The following B3GALT1 variants were observed in gnomAD, a reference collection of about 807,000 sequenced individuals.
B3GALT1 encodes the protein UDP-Gal:betaGlcNAc beta 1,3-galactosyltransferase, polypeptide 1.
In B3GALT1, 10 loss-of-function variants were observed where a neutral mutation model predicts 23.2. The observed-to-expected ratio is 0.43, with a 90% CI of 0.27 to 0.73. B3GALT1 has a LOEUF of 0.73. Among genes scored for constraint, B3GALT1 ranks in the 30% least tolerant of loss-of-function variants. B3GALT1 has a pLI of 0.21. For synonymous variants in B3GALT1, 156 were observed against 141.5 expected, an observed-to-expected ratio of 1.10 and a Z score of -0.73; for missense variants, 299 against 405.4, an observed-to-expected ratio of 0.74 and a Z score of 2.25.
At chr2:167,713,211 A>G (rs1245483895) in intron 3 of B3GALT1, among the ~76,000 whole-genome samples, 1 of 152,226 alleles carries the variant, frequency 6.6e-6, no homozygotes, top group Non-Finnish European at 1.5e-5. Flanking sequence ...TTAGCTTACT[A>G]CAAGTTCACT....
intron 2 of B3GALT1, among the ~76,000 whole-genome samples, chr2:167,610,071 A>G (rs1685032772): frequency 6.6e-6 from 1 of 152,168 alleles, no homozygotes; most frequent in Non-Finnish European, 1.5e-5. Flanking sequence ...TGAGAGGAAA[A>G]TGAGGATATA....
At chr2:167,476,527 C>T (rs1699488711) in intron 1 of B3GALT1, among the ~76,000 whole-genome samples, 2 of 152,142 alleles carry the variant, frequency 1.3e-5, no homozygotes, top group Non-Finnish European at 1.5e-5. Flanking sequence ...ATTACACCTT[C>T]ACAGCTTCTT....
intron 1 of B3GALT1, among the ~76,000 whole-genome samples, chr2:167,434,511 G>A (rs534972535): frequency 1.8e-5 from 2 of 109,106 alleles, no homozygotes; most frequent in Non-Finnish European, 3.7e-5. Flanking sequence ...TCTCTAAAAT[G>A]TAAGTACTCT....
intron 1 of B3GALT1, among the ~76,000 whole-genome samples, chr2:167,299,038 G>C (rs1240860714): frequency 1.3e-5 from 2 of 152,146 alleles, no homozygotes; most frequent in African/African-American, 2.4e-5. Flanking sequence ...GGTTTGAAGA[G>C]ACATATCATT....
At chr2:167,665,387 G>C (rs1686156827) in intron 3 of B3GALT1, among the ~76,000 whole-genome samples, 1 of 142,872 alleles carries the variant, frequency 7.0e-6, no homozygotes, top group Non-Finnish European at 1.5e-5. Context: ...GAGGATTTTT[G>C]CATCAATGTT....
chr2:167,538,371 G>A (rs1683467015), intron 2 of B3GALT1, among the ~76,000 whole-genome samples: 2 of 152,148 alleles, frequency 1.3e-5, no homozygotes, highest in South Asian at 4.1e-4. Flanking sequence ...ATACGTATAT[G>A]TGCATGTATC....
intron 1 of B3GALT1, among the ~76,000 whole-genome samples, chr2:167,476,486 G>A (rs765239511): frequency 2.6e-5 from 4 of 152,126 alleles, no homozygotes; most frequent in Non-Finnish European, 5.9e-5. Flanking sequence ...AGCTGATGTT[G>A]AAAGATATAA....
chr2:167,747,498 A>G (rs1301905766), intron 3 of B3GALT1, among the ~76,000 whole-genome samples: 1 of 152,216 alleles, frequency 6.6e-6, no homozygotes, highest in East Asian at 1.9e-4. Flanking sequence ...GAGGTCACTA[A>G]ACATCCAGAG....
At chr2:167,773,644 A>G (rs888444572) in intron 3 of B3GALT1, among the ~76,000 whole-genome samples, 7 of 152,248 alleles carry the variant, frequency 4.6e-5, no homozygotes, top group African/African-American at 1.7e-4. Context: ...CAGAGACCCT[A>G]TAATTCTGGG....
At chr2:167,448,084 T>A (rs1559099987) in intron 1 of B3GALT1, among the ~76,000 whole-genome samples, 1 of 144,448 alleles carries the variant, frequency 6.9e-6, no homozygotes, top group Admixed American at 6.7e-5. Context: ...ACTATAAACA[T>A]GTGTGTGGAA....
chr2:167,556,292 A>G (rs957645484), intron 2 of B3GALT1, among the ~76,000 whole-genome samples: 2 of 152,140 alleles, frequency 1.3e-5, no homozygotes, highest in African/African-American at 4.8e-5. Context: ...CTGAGCGCAA[A>G]TGAGGCATTG....
intron 1 of B3GALT1, among the ~76,000 whole-genome samples, chr2:167,442,139 T>G (rs1310430481): frequency 6.6e-6 from 1 of 151,970 alleles, no homozygotes; most frequent in African/African-American, 2.4e-5. Flanking sequence ...GTTTGGTTTT[T>G]TGTTCTTGCG....
chr2:167,793,529 T>C (rs1011437010), intron 3 of B3GALT1, among the ~76,000 whole-genome samples: 1 of 151,510 alleles, frequency 6.6e-6, no homozygotes, highest in African/African-American at 2.4e-5. Flanking sequence ...GGTCTACTGC[T>C]GGGAAAATGA....
intron 3 of B3GALT1, among the ~76,000 whole-genome samples, chr2:167,659,149 T>C (rs1310037337): frequency 1.3e-5 from 2 of 151,846 alleles, no homozygotes; most frequent in Admixed American, 6.6e-5. Flanking sequence ...CTCAGAGATA[T>C]AAACAAGATA....
chr2:167,665,358 C>G (rs9678129), intron 3 of B3GALT1, among the ~76,000 whole-genome samples: 115,762 of 120,094 alleles, frequency 0.96, 55,951 homozygotes, highest in Middle Eastern at 1. Flanking sequence ...TGCTGGATTT[C>G]GTTTGCCAGT....
At chr2:167,559,897 G>A (rs1012455935) in intron 2 of B3GALT1, among the ~76,000 whole-genome samples, 14 of 152,192 alleles carry the variant, frequency 9.2e-5, no homozygotes, top group Non-Finnish European at 1.2e-4. Context: ...TGTTATCCAG[G>A]AGAACTTCCC....
intron 2 of B3GALT1, among the ~76,000 whole-genome samples, chr2:167,634,832 A>T (rs1685519996): frequency 6.6e-6 from 1 of 152,084 alleles, no homozygotes; most frequent in Non-Finnish European, 1.5e-5. Context: ...AAAAGAGGGA[A>T]TCCTCCCTAA....
At chr2:167,412,131 CAAAT>C (rs55802885) in intron 1 of B3GALT1, among the ~76,000 whole-genome samples, 140,113 of 151,920 alleles carry the variant, frequency 0.92, 65,290 homozygotes, top group Non-Finnish European at 0.99. Flanking sequence ...CACGGTAGAA[CAAAT>C]AAATAAGTAA....
At chr2:167,293,712 C>G (rs529268606) in intron 1 of B3GALT1, among the ~76,000 whole-genome samples, 101 of 152,118 alleles carry the variant, frequency 6.6e-4, no homozygotes, top group African/African-American at 2.3e-3. Context: ...GTAGAACGCA[C>G]GGAGCGCACG....
Sources: allele counts gnomAD v4.1 joint callset (sites outside exome capture counted in the v4.1 genomes callset), GRCh38; gene constraint gnomAD v4.1.1; transcripts MANE v1.5; gene names NCBI Gene and HGNC (gene_info 2026-07-23, HGNC 2026-07-21).